The following KIRREL3 variants were observed in gnomAD, a reference collection of about 807,000 sequenced individuals.
KIRREL3 encodes the protein kin of IRRE-like protein 3.
KIRREL3 carries 36 observed loss-of-function variants against 89.7 expected under a neutral mutation model. That is an observed-to-expected ratio of 0.40 (90% confidence interval 0.31 to 0.53). KIRREL3 has a LOEUF of 0.53. Among genes scored for constraint, KIRREL3 ranks in the 20% least tolerant of loss-of-function variants. The pLI, the probability that KIRREL3 is intolerant of heterozygous loss-of-function variation, is 0.49. For missense variants in KIRREL3, 864 were observed against 1,056.6 expected (o/e 0.82, Z 2.53); for synonymous variants, 445 against 441.4 (o/e 1.01, Z -0.10).
Position 126,769,052 on chromosome 11 carries a change from G to T in KIRREL3, c.56-206140C>A, listed in dbSNP as rs1038573280. On this transcript the variant is annotated intron_variant, in intron 1 of 16. Transcript: ENST00000525144. This position sits in a 1 kb window ranked among gnomAD's most constrained non-coding sequence, Gnocchi z 4.3. ...GCCTCTGCATAGGCTGTCCCCTGGGGTCTCCTTTCCGCATCTTGTTTACCT... is the reference window on the plus strand; with the variant it reads ...GCCTCTGCATAGGCTGTCCCCTGGGTTCTCCTTTCCGCATCTTGTTTACCT... 6.6e-6 allele frequency among the ~76,000 whole-genome samples: 1 copy of T among 152,140 alleles called. No individual in the cohort carries two copies. Among genetic ancestry groups the T allele is most frequent in the African/African-American group, 2.4e-5 (1 of 41,428 alleles).
intron 1 of KIRREL3, among the ~76,000 whole-genome samples, chr11:126,998,711 G>A (rs977899889): frequency 3.9e-5 from 6 of 152,204 alleles, no homozygotes; most frequent in Non-Finnish European, 7.3e-5. Context: ...GAGGTACTTA[G>A]ACACCTATAG....
In KIRREL3 at chr11:126,516,497, G is replaced by A. The variant is rs79624031; in HGVS notation, c.433+4818C>T. Among the ~76,000 whole-genome samples the A allele has an allele frequency of 2.6e-5, 4 of 152,246 alleles. No individual in the cohort carries two copies. In the East Asian group the frequency reaches 7.7e-4, roughly 29 times the overall value. Reference sequence around the variant, plus strand: ...ATCACTTATCGACCGCCTTCTCTCTGCCAGAATGCAAGCTCCACCAGGGCA... The same window carrying A: ...ATCACTTATCGACCGCCTTCTCTCTACCAGAATGCAAGCTCCACCAGGGCA... On this transcript the variant is annotated intron_variant, in intron 4 of 16. Coordinates refer to ENST00000525144, the MANE Select transcript of KIRREL3 (RefSeq NM_032531.4). The surrounding 1 kb of genome is among the most constrained non-coding windows in gnomAD (Gnocchi z 4.9).
At chr11:126,848,740 T>A (rs752949225) in intron 1 of KIRREL3, among the ~76,000 whole-genome samples, 2 of 152,332 alleles carry the variant, frequency 1.3e-5, no homozygotes, top group African/African-American at 4.8e-5. Flanking sequence ...TTAAATTGAA[T>A]GCTTATCACT....
chr11:126,457,239 ATGTATGTGTG>A (rs566583937), intron 6 of KIRREL3, among the ~76,000 whole-genome samples: 11,028 of 110,284 alleles, frequency 0.1, 1,410 homozygotes, highest in African/African-American at 0.29. Flanking sequence ...GCATGTGTAT[ATGTATGTGTG>A]TGTATGTGTG....
At chr11:126,688,210 C>T (rs771894650) in intron 1 of KIRREL3, among the ~76,000 whole-genome samples, 1 of 152,236 alleles carries the variant, frequency 6.6e-6, no homozygotes, top group Non-Finnish European at 1.5e-5. Flanking sequence ...CTTCACCCAG[C>T]TCTGGCCACA....
chr11:126,473,962 T>G (rs1408117438), intron 4 of KIRREL3, among the ~76,000 whole-genome samples: 4 of 36,482 alleles, frequency 1.1e-4, no homozygotes, highest in Non-Finnish European at 1.7e-4. Context: ...CCCGGCTAAT[T>G]TTTTTTTTTT....
rs373478176 is a variant in KIRREL3, at chr11:126,473,470, C to T, written c.434-4G>A. 2.0e-4 allele frequency: 300 copies of T among 1,535,800 alleles called. No homozygotes were observed. The highest frequency in any genetic ancestry group is 1.6e-3 in the African/African-American group (115 of 73,822). On this transcript the variant is annotated splice_polypyrimidine_tract_variant and splice_region_variant and intron_variant, in intron 4 of 16. Transcript: ENST00000525144. ...ATGACGGGGTCATCAGGCGGCACTG[C>T]GGGGAGAGAAGCAGTGAGGTCAGGC...
Position 126,943,921 on chromosome 11 carries a change from A to C in KIRREL3, c.55+56534T>G, listed in dbSNP as rs1037143452. On this transcript the variant is annotated intron_variant, in intron 1 of 16. Coordinates refer to ENST00000525144, the MANE Select transcript of KIRREL3 (RefSeq NM_032531.4). The surrounding 1 kb of genome is among the most constrained non-coding windows in gnomAD (Gnocchi z 4.2). ...AATTTAGATATTGATGCAGTTCGGG[A>C]CATACCAAAATATGTCACCTTGGCA... is the stretch of plus-strand genomic sequence containing the variant. Among the ~76,000 whole-genome samples, 7 of 152,308 alleles carry C rather than the reference A, an allele frequency of 4.6e-5. No individual in the cohort carries two copies. Among genetic ancestry groups the C allele is most frequent in the African/African-American group, 1.7e-4 (7 of 41,572 alleles).
In KIRREL3 at chr11:126,736,126, A is replaced by C. The variant is rs1337144835; in HGVS notation, c.56-173214T>G. ...CTTTCCATAGCTACTGCTGCTGGCT[A>C]CCTTGCATTTCTGTGGATTTGGTCA... On this transcript the variant is annotated intron_variant, in intron 1 of 16. Transcript: ENST00000525144. The surrounding 1 kb of genome is among the most constrained non-coding windows in gnomAD (Gnocchi z 5.0). 1.3e-5 allele frequency among the ~76,000 whole-genome samples: 2 copies of C among 152,210 alleles called. No individual in the cohort carries two copies. Among genetic ancestry groups the C allele is most frequent in the Non-Finnish European group, 2.9e-5 (2 of 68,048 alleles).
intron 4 of KIRREL3, among the ~76,000 whole-genome samples, chr11:126,500,499 G>A (rs1194841397): frequency 2.6e-5 from 4 of 152,174 alleles, no homozygotes; most frequent in African/African-American, 9.7e-5. Context: ...CAGCACTTCG[G>A]GAGGCCGAGG....
rs113452273 is a variant in KIRREL3, at chr11:126,805,759, G to A, written c.55+194696C>T. ...GAGAGGGAGGAAGAGAAGCAAGGAA[G>A]AAAAACCAAGGGAGGAGGGAATTCT... On this transcript the variant is annotated intron_variant, in intron 1 of 16. Coordinates refer to ENST00000525144, the MANE Select transcript of KIRREL3 (RefSeq NM_032531.4). The surrounding 1 kb of genome is among the most constrained non-coding windows in gnomAD (Gnocchi z 4.3). Among the ~76,000 whole-genome samples the A allele has an allele frequency of 0.014, 2,056 of 152,272 alleles. 48 individuals are homozygous for A. The highest frequency in any genetic ancestry group is 0.047 in the African/African-American group (1,958 of 41,548).
chr11:126,440,321 T>A (rs61898676), intron 11 of KIRREL3, 128 bp downstream of exon 11: 1 of 802,044 alleles, frequency 1.2e-6, no homozygotes, highest in South Asian at 1.5e-5. Flanking sequence ...CCAAGGCAGG[T>A]ATAATTTTCC....
rs1950645901 is a variant in KIRREL3, at chr11:126,791,707, GC to G, written c.55+208747del. The stretch of plus-strand genomic sequence containing the variant: ...CCAGGCCAGGTGTGAATGAGTCTGA[GC>G]CCAGTGAAAGAGGGAGAGGGAACAG... On this transcript the variant is annotated intron_variant, in intron 1 of 16. Transcript: ENST00000525144. The surrounding 1 kb of genome is among the most constrained non-coding windows in gnomAD (Gnocchi z 4.8). Among the ~76,000 whole-genome samples the G allele has an allele frequency of 6.6e-6, 1 of 152,154 alleles. No individual in the cohort carries two copies. Among genetic ancestry groups the G allele is most frequent in the Non-Finnish European group, 1.5e-5 (1 of 68,026 alleles).
At position 126,977,113 on chromosome 11, in the gene KIRREL3, T is replaced by C. The variant is rs78254447; in HGVS notation, c.55+23342A>G. The stretch of plus-strand genomic sequence containing the variant: ...AAAAAATCTCTCTTTTCCTTTTTTC[T>C]TTTTCTGCAGGCTTCAGCTCCTTCT... On this transcript the variant is annotated intron_variant, in intron 1 of 16. Coordinates refer to ENST00000525144, the MANE Select transcript of KIRREL3 (RefSeq NM_032531.4). The surrounding 1 kb of genome is among the most constrained non-coding windows in gnomAD (Gnocchi z 4.7). Among the ~76,000 whole-genome samples, 4,861 of 152,306 alleles carry C rather than the reference T, an allele frequency of 0.032. 102 individuals are homozygous for C. The highest frequency in any genetic ancestry group is 0.042 in the Non-Finnish European group (2,878 of 68,018).
chr11:126,988,485 A>G lies in KIRREL3; in HGVS notation c.55+11970T>C, dbSNP rs1949934916. ...CTGTCGGGACACCAGTATTTCTGAA[A>G]TCCTTCCTGAAGAATTTCAGAAAAA... is the stretch of plus-strand genomic sequence containing the variant. On this transcript the variant is annotated intron_variant, in intron 1 of 16. Transcript: ENST00000525144. 14 of 152,808 alleles carry G rather than the reference A, an allele frequency of 9.2e-5. 1 individual carries two copies. Among genetic ancestry groups the G allele is most frequent in the Admixed American group, 9.2e-4 (14 of 15,290 alleles). The allele number at this position is 152,808 out of a possible 1,614,324, so 9.5% of individuals were successfully genotyped here.
chr11:126,607,222 G>A lies in KIRREL3; in HGVS notation c.56-44310C>T, dbSNP rs1353517902. Among the ~76,000 whole-genome samples the A allele has an allele frequency of 2.0e-5, 3 of 152,206 alleles. No individual in the cohort carries two copies. The highest frequency in any genetic ancestry group is 7.2e-5 in the African/African-American group (3 of 41,442). The stretch of plus-strand genomic sequence containing the variant: ...CCCAGGGAAACGATGGAGTAGCTGA[G>A]CCGAGATTGGCTCACCTCCTTGTAC... On this transcript the variant is annotated intron_variant, in intron 1 of 16. Coordinates refer to ENST00000525144, the MANE Select transcript of KIRREL3 (RefSeq NM_032531.4). This position sits in a 1 kb window ranked among gnomAD's most constrained non-coding sequence, Gnocchi z 6.6.
At chr11:126,514,055 T>C (rs1958320748) in intron 4 of KIRREL3, among the ~76,000 whole-genome samples, 1 of 152,018 alleles carries the variant, frequency 6.6e-6, no homozygotes, top group Non-Finnish European at 1.5e-5. Flanking sequence ...AATCTGCTTC[T>C]GGCCCAGGGG....
chr11:126,766,302 G>A lies in KIRREL3; in HGVS notation c.56-203390C>T, dbSNP rs754991731. ...CCTGACAGCCTTGGTGCTATAATAT[G>A]GTCCTGCCAAACCCATTACAGTAAT... On this transcript the variant is annotated intron_variant, in intron 1 of 16. Transcript: ENST00000525144. This position sits in a 1 kb window ranked among gnomAD's most constrained non-coding sequence, Gnocchi z 4.2. 1.2e-4 allele frequency among the ~76,000 whole-genome samples: 18 copies of A among 151,892 alleles called. No homozygotes were observed. Among genetic ancestry groups the A allele is most frequent in the Non-Finnish European group, 1.9e-4 (13 of 68,002 alleles).
chr11:126,961,479 A>G (rs1949085473), intron 1 of KIRREL3, among the ~76,000 whole-genome samples: 1 of 152,220 alleles, frequency 6.6e-6, no homozygotes, highest in Non-Finnish European at 1.5e-5. Context: ...CCTAATACAG[A>G]GCAAGGCCCT....
Sources: allele counts gnomAD v4.1 joint callset (sites outside exome capture counted in the v4.1 genomes callset), GRCh38; gene constraint gnomAD v4.1.1; non-coding constraint Gnocchi (gnomAD v3.1); transcripts MANE v1.5; gene names NCBI Gene and HGNC (gene_info 2026-07-23, HGNC 2026-07-21).